Variants in SPTBN2 observed in about 807,000 individuals in gnomAD.
SPTBN2 encodes spectrin beta chain, non-erythrocytic 2.
SPTBN2 carries 107 observed loss-of-function variants against 284.2 expected under a neutral mutation model. The observed-to-expected ratio is 0.38, with a 90% CI of 0.32 to 0.44. SPTBN2 has a LOEUF of 0.44. SPTBN2 is among the 20% of genes least tolerant of loss of function. The pLI is 1.00. For missense variants in SPTBN2, 2,569 were observed against 3,287.1 expected, an observed-to-expected ratio of 0.78 and a Z score of 5.34; for synonymous variants, 1,289 against 1,354.8, an observed-to-expected ratio of 0.95 and a Z score of 1.07.
At chr11:66,717,237 G>T (rs1442500206) in intron 3 of SPTBN2, among the ~76,000 whole-genome samples, 3 of 152,038 alleles carry the variant, frequency 2.0e-5, no homozygotes, top group African/African-American at 7.2e-5. Context: ...TAAATACTAG[G>T]TTCCGTAGGA....
chr11:66,689,202 A>G (rs942397778), intron 29 of SPTBN2, 22 bp from the exon 30 acceptor site: 3 of 1,592,516 alleles, frequency 1.9e-6, no homozygotes, highest in South Asian at 1.1e-5. Context: ...GGGCAGAGAT[A>G]TGAGTTAGCA....
chr11:66,689,978 C>T, intron 28 of SPTBN2, 35 bp from the exon 29 acceptor site: 1 of 1,614,156 alleles, frequency 6.2e-7, no homozygotes, highest in South Asian at 1.1e-5. Flanking sequence ...ACCTGCTGCC[C>T]ACAGCCCCAT....
chr11:66,724,086 C>T (rs1282016659), intron 1 of SPTBN2, among the ~76,000 whole-genome samples: 1 of 152,152 alleles, frequency 6.6e-6, no homozygotes, highest in Admixed American at 6.5e-5. Context: ...CAAGGCTAGC[C>T]CCCAGGAGTG....
At position 66,728,777 on chromosome 11, in the gene SPTBN2, TC is replaced by T. The variant is rs1325740441; in HGVS notation, c.-151del. 1.3e-5 allele frequency: 2 copies of T among 151,956 alleles called. No individual in the cohort carries two copies. The highest frequency in any genetic ancestry group is 2.9e-5 in the Non-Finnish European group (2 of 68,004). The allele number at this position is 151,956 out of a possible 1,614,324, so 9.4% of individuals were successfully genotyped here. On this transcript the variant is annotated 5_prime_UTR_variant, in exon 1 of 38. It removes the in-frame stop codon of an upstream open reading frame in the 5' UTR. Coordinates refer to ENST00000533211, the MANE Select transcript of SPTBN2 (RefSeq NM_006946.4). The stretch of plus-strand genomic sequence containing the variant: ...TTCTGCTTTTCCTCCAAAATCCGTA[TC>T]CCCGAGACACGCGATCCTTCCTCTA...
chr11:66,734,793 AAGAC>A (rs1942840856), intron 1 of SPTBN2, among the ~76,000 whole-genome samples: 1 of 152,250 alleles, frequency 6.6e-6, no homozygotes, highest in African/African-American at 2.4e-5. Flanking sequence ...AATGGAAGAA[AAGAC>A]CTTGGGAGAG....
chr11:66,687,818 T>TG lies in SPTBN2; in HGVS notation c.6501+49dup. The TG allele has an allele frequency of 6.3e-7, 1 of 1,596,926 alleles. No individual in the cohort carries two copies. On this transcript the variant is annotated intron_variant, in intron 34 of 37. Coordinates refer to ENST00000533211, the MANE Select transcript of SPTBN2 (RefSeq NM_006946.4). The surrounding 1 kb of genome is among the most constrained non-coding windows in gnomAD (Gnocchi z 5.2). ...CCCCACCCGCACTCACCACCCCCTC[T>TG]GGACCCTTCGCCTCACAGTTATCAA...
At position 66,704,830 on chromosome 11, in the gene SPTBN2, T is replaced by C. The variant is rs2135443440; in HGVS notation, c.2446A>G (p.Thr816Ala). Residue 816 changes from threonine (T) to alanine (A), a missense_variant, in exon 15 of 38, where the codon ACA (threonine) becomes GCA (alanine). Thr to Ala is a moderately conservative substitution (Grantham distance 58). Coordinates refer to ENST00000533211, the MANE Select transcript of SPTBN2 (RefSeq NM_006946.4). ...LREQAAALPP[T>A]LSRTPEVQSR... ...TGCACCTCGGGCGTGCGGCTCAGTG[T>C]GGGGGGCAGGGCTGCTGCCTGTTCC... The C allele has an allele frequency of 6.2e-7, 1 of 1,607,518 alleles. No homozygotes were observed. The highest frequency in any genetic ancestry group is 8.5e-7 in the Non-Finnish European group (1 of 1,179,434).
intron 36 of SPTBN2, 175 bp from the exon 37 acceptor site, chr11:66,686,615 A>G: frequency 1.3e-6 from 1 of 741,094 alleles, no homozygotes; most frequent in Non-Finnish European, 2.3e-6. Context: ...GCAGAAGCAC[A>G]TCCTTTCTGA....
At position 66,698,725 on chromosome 11, in the gene SPTBN2, G is replaced by A. The variant is rs1941077394; in HGVS notation, c.3928C>T (p.Arg1310Cys). The change falls in exon 20 of 38, where the codon CGC becomes TGC. Residue 1310 changes from arginine to cysteine, a missense_variant. Arg to Cys is a radical substitution (Grantham distance 180). Around this residue, in one of 6 missense-constraint regions of SPTBN2, gnomAD observed 24 missense variants for 58.1 expected, o/e 0.41. Coordinates refer to ENST00000533211, the MANE Select transcript of SPTBN2 (RefSeq NM_006946.4). ...TAQDVSYDEA[R>C]NLHTKWQKHQ... The stretch of plus-strand genomic sequence containing the variant: ...TTCTGCCACTTAGTATGCAGGTTGC[G>A]GGCCTCGTCATAGGACACGTCCTGG... The A allele has an allele frequency of 2.5e-6, 4 of 1,614,214 alleles. No individual in the cohort carries two copies. Among genetic ancestry groups the A allele is most frequent in the Non-Finnish European group, 2.5e-6 (3 of 1,180,050 alleles).
rs374598139 is a variant in SPTBN2, at chr11:66,705,149, G to A, written c.2127C>T (p.Ala709=). ...CCTGGCTTGCCCCAGGGTGACCCTC[G>A]GCCACCAACTGCTGGCCCTGCTCCA... ...LTLEQGQQLV[A]EGHPGASQAS... Residue 709 remains alanine, a synonymous_variant, in exon 15 of 38, where the codon GCC becomes GCT. Transcript: ENST00000533211. 6.9e-5 allele frequency: 106 copies of A among 1,536,774 alleles called. No homozygotes were observed. Among genetic ancestry groups the A allele is most frequent in the Non-Finnish European group, 8.9e-5 (102 of 1,143,606 alleles).
At chr11:66,713,047 G>C (rs1253675525) in intron 8 of SPTBN2, 1 of 155,152 alleles carries the variant, frequency 6.4e-6, no homozygotes, top group Non-Finnish European at 1.4e-5. Context: ...AATTTCAGAA[G>C]AGCCCTTAGA....
rs777476931 is a variant in SPTBN2 at position 66,687,310 on chromosome 11, C to G, written c.6722+117G>C. On this transcript the variant is annotated intron_variant, in intron 35 of 37. Transcript: ENST00000533211. This position sits in a 1 kb window ranked among gnomAD's most constrained non-coding sequence, Gnocchi z 5.2. ...TCTGGTCCTCCCCTGAGGCCCCGCT[C>G]TGGTCCCAAGTCCTACCCTTTGCCC... The G allele has an allele frequency of 5.2e-4, 801 of 1,552,276 alleles. 8 individuals carry two copies. The Middle Eastern group carries it at 5.3e-3, about 10-fold the overall frequency.
intron 20 of SPTBN2, among the ~76,000 whole-genome samples, chr11:66,697,881 A>G (rs1280229399): frequency 6.6e-6 from 1 of 152,176 alleles, no homozygotes; most frequent in East Asian, 1.9e-4. Flanking sequence ...CACCAAGTAA[A>G]TATTTGCTGA....
intron 1 of SPTBN2, among the ~76,000 whole-genome samples, chr11:66,741,240 C>T (rs60333056): frequency 1.7e-3 from 253 of 152,288 alleles, no homozygotes; most frequent in African/African-American, 5.8e-3. Flanking sequence ...TTTCCCTCAT[C>T]CTGTTCTTCT....
At position 66,694,169 on chromosome 11, in the gene SPTBN2, G is replaced by A; in HGVS notation, c.4473C>T (p.His1491=). 1 of 1,610,792 alleles carries A rather than the reference G, an allele frequency of 6.2e-7. No homozygotes were observed. The highest frequency in any genetic ancestry group is 8.5e-7 in the Non-Finnish European group (1 of 1,180,022). Residue 1491 remains histidine (H), a synonymous_variant, in exon 22 of 38, where the codon CAC becomes CAT. Transcript: ENST00000533211. ...CATCTTCCACATCGCGGTGGAACTG[G>A]TGCTGCTCGCGAGAAGCCTGCAGGC... The part of the protein sequence containing the change: ...CRRLQASREQ[H]QFHRDVEDEI...
chr11:66,730,408 C>A (rs1438221941), upstream of SPTBN2, among the ~76,000 whole-genome samples: 1 of 151,780 alleles, frequency 6.6e-6, no homozygotes, highest in African/African-American at 2.4e-5. Context: ...ATGGTGAAAC[C>A]CCTTCTCTAC....
Position 66,710,815 on chromosome 11 carries a change from C to G in SPTBN2, c.886-46G>C. The G allele has an allele frequency of 1.2e-6, 2 of 1,612,568 alleles. No homozygotes were observed. Among genetic ancestry groups the G allele is most frequent in the African/African-American group, 1.3e-5 (1 of 75,060 alleles). On this transcript the variant is annotated intron_variant, in intron 9 of 37. Coordinates refer to ENST00000533211, the MANE Select transcript of SPTBN2 (RefSeq NM_006946.4). The surrounding 1 kb of genome is among the most constrained non-coding windows in gnomAD (Gnocchi z 4.9). Reference sequence around the variant, plus strand: ...ACGTGACAGTCCCAGCCACAGGGTCCCTGGCCCAGTCCTGCAGCTCCACCC... The same window carrying G: ...ACGTGACAGTCCCAGCCACAGGGTCGCTGGCCCAGTCCTGCAGCTCCACCC...
At position 66,687,267 on chromosome 11, in the gene SPTBN2, G is replaced by A; in HGVS notation, c.6723-100C>T. The A allele has an allele frequency of 3.8e-6, 6 of 1,573,592 alleles. No homozygotes were observed. Among genetic ancestry groups the A allele is most frequent in the Non-Finnish European group, 5.2e-6 (6 of 1,161,668 alleles). ...CTTCCAGTTCTGCTCCCATCTTTAGGCCACGGTCTTCACACCCTCTGGTCC... is the reference window on the plus strand; with the variant it reads ...CTTCCAGTTCTGCTCCCATCTTTAGACCACGGTCTTCACACCCTCTGGTCC... On this transcript the variant is annotated intron_variant, in intron 35 of 37. Coordinates refer to ENST00000533211, the MANE Select transcript of SPTBN2 (RefSeq NM_006946.4). This position sits in a 1 kb window ranked among gnomAD's most constrained non-coding sequence, Gnocchi z 5.2.
At position 66,698,717 on chromosome 11, in the gene SPTBN2, C is replaced by T. The variant is rs1941076912; in HGVS notation, c.3936G>A (p.Leu1312=). Residue 1312 remains leucine, a synonymous_variant, in exon 20 of 38, where the codon CTG becomes CTA. Transcript: ENST00000533211. ...CCTGGTGCTTCTGCCACTTAGTATG[C>T]AGGTTGCGGGCCTCGTCATAGGACA... is the stretch of plus-strand genomic sequence containing the variant. The part of the protein sequence containing the change: ...QDVSYDEARN[L]HTKWQKHQAF... 1 of 1,614,242 alleles carries T rather than the reference C, an allele frequency of 6.2e-7. No individual in the cohort carries two copies.
Sources: gnomAD v4.1 joint callset for allele counts (sites outside exome capture counted in the v4.1 genomes callset) on GRCh38, gnomAD v4.1.1 for gene constraint, gnomAD v4.1.1 regional missense constraint, Gnocchi (gnomAD v3.1) non-coding constraint, MANE v1.5 for transcripts, NCBI Gene and HGNC (gene_info 2026-07-23, HGNC 2026-07-21) for gene names.